Variants in BCAR3 observed in about 807,000 individuals in gnomAD.
The protein encoded by BCAR3 is BCAR3 adaptor protein, NSP family member, also known as breast cancer anti-estrogen resistance protein 3.
BCAR3 carries 37 observed loss-of-function variants against 80.1 expected under a neutral mutation model. That is an observed-to-expected ratio of 0.46 (90% CI 0.36 to 0.61). The LOEUF is 0.61. Ranked by LOEUF, BCAR3 falls within the 20% of genes least tolerant of loss-of-function variation. The pLI, the probability that BCAR3 is intolerant of heterozygous loss-of-function variation, is 0.00. For synonymous variants in BCAR3, 389 were observed against 418.9 expected (o/e 0.93, Z 0.87); for missense variants, 978 against 1,068.2 (o/e 0.92, Z 1.18).
chr1:93,810,192 C>CAAAAAAAAAAAAAAAAAA (rs111305058), intron 2 of BCAR3, among the ~76,000 whole-genome samples: 8 of 98,826 alleles, frequency 8.1e-5, no homozygotes, highest in African/African-American at 1.7e-4. Flanking sequence ...GACTCCATCT[C>CAAAAAAAAAAAAAAAAAA]AAAAAAAAAA....
chr1:93,765,944 C>T (rs1344086775), intron 2 of BCAR3, among the ~76,000 whole-genome samples: 1 of 152,162 alleles, frequency 6.6e-6, no homozygotes, highest in Non-Finnish European at 1.5e-5. Context: ...AGATTACAGG[C>T]ATAAGCCACC....
intron 2 of BCAR3, among the ~76,000 whole-genome samples, chr1:93,735,166 G>T (rs539784837): frequency 6.6e-6 from 1 of 152,334 alleles, no homozygotes; most frequent in African/African-American, 2.4e-5. Flanking sequence ...GGCCCTTTGG[G>T]TTTGGTGGAT....
At position 93,585,911 on chromosome 1, in the gene BCAR3, A is replaced by G. The variant is rs1472067696; in HGVS notation, c.930-1790T>C. Among the ~76,000 whole-genome samples, 4 of 152,110 alleles carry G rather than the reference A, an allele frequency of 2.6e-5. No individual in the cohort carries two copies. The East Asian group carries it at 5.8e-4, about 22-fold the overall frequency. On this transcript the variant is annotated intron_variant, in intron 5 of 11. Transcript: ENST00000260502. ...ACACCACCATGCCCAGCTAATTTTT[A>G]TATTTAAAAAATTTTGTGCATACAT...
At chr1:93,772,755 G>A (rs946574822) in intron 2 of BCAR3, among the ~76,000 whole-genome samples, 8 of 152,092 alleles carry the variant, frequency 5.3e-5, no homozygotes, top group African/African-American at 1.2e-4. Context: ...ACAGGAATGC[G>A]CCACCACGCC....
chr1:93,687,959 T>C (rs1170278590), intron 3 of BCAR3, among the ~76,000 whole-genome samples: 1 of 152,176 alleles, frequency 6.6e-6, no homozygotes, highest in Non-Finnish European at 1.5e-5. Flanking sequence ...GAAAGAAAGA[T>C]AGAGAATTCC....
At chr1:93,726,382 T>G (rs1001731382) in intron 2 of BCAR3, among the ~76,000 whole-genome samples, 1 of 152,234 alleles carries the variant, frequency 6.6e-6, no homozygotes, top group African/African-American at 2.4e-5. Flanking sequence ...CTATTAGCTA[T>G]TCTTAATACT....
chr1:93,721,542 TG>T, intron 2 of BCAR3, among the ~76,000 whole-genome samples: 1 of 152,330 alleles, frequency 6.6e-6, no homozygotes, highest in Middle Eastern at 3.4e-3. Context: ...CAGGCCCCAG[TG>T]GCCAGGAGAC....
chr1:93,706,907 G>A (rs1649844083), intron 2 of BCAR3, among the ~76,000 whole-genome samples: 1 of 152,164 alleles, frequency 6.6e-6, no homozygotes, highest in South Asian at 2.1e-4. Context: ...CCGGGCGCAG[G>A]GGCTTACGCC....
At chr1:93,613,810 G>C (rs1675024185) in intron 3 of BCAR3, 1 of 1,546,924 alleles carries the variant, frequency 6.5e-7, no homozygotes, top group African/African-American at 1.4e-5. Context: ...TCCCCCAAAA[G>C]ATTGACAGAT....
At chr1:93,805,696 C>T (rs1019646296) in intron 2 of BCAR3, among the ~76,000 whole-genome samples, 1 of 152,020 alleles carries the variant, frequency 6.6e-6, no homozygotes, top group Non-Finnish European at 1.5e-5. Context: ...CAGTCTTAAA[C>T]AGAAATGAAA....
intron 3 of BCAR3, among the ~76,000 whole-genome samples, chr1:93,639,138 T>A (rs1675897752): frequency 6.6e-6 from 1 of 152,148 alleles, no homozygotes; most frequent in Admixed American, 6.5e-5. Context: ...CATATTTTCC[T>A]CCATTCCACT....
At chr1:93,701,512 T>C (rs991555795) in intron 3 of BCAR3, among the ~76,000 whole-genome samples, 1 of 152,198 alleles carries the variant, frequency 6.6e-6, no homozygotes, top group African/African-American at 2.4e-5. Context: ...TGACATATTA[T>C]TATTTTGAAA....
chr1:93,648,152 G>C (rs985575573), intron 2 of BCAR3, among the ~76,000 whole-genome samples: 2 of 152,160 alleles, frequency 1.3e-5, no homozygotes, highest in Admixed American at 1.3e-4. Flanking sequence ...AGTAACATGG[G>C]TCAATCAAAC....
intron 2 of BCAR3, among the ~76,000 whole-genome samples, chr1:93,747,815 T>C (rs901061138): frequency 6.6e-6 from 1 of 151,742 alleles, no homozygotes; most frequent in African/African-American, 2.4e-5. Flanking sequence ...CCCAGTGTGC[T>C]ATGCTCCAGC....
intron 2 of BCAR3, among the ~76,000 whole-genome samples, chr1:93,799,670 T>C (rs1175424589): frequency 2.0e-5 from 3 of 152,208 alleles, no homozygotes; most frequent in Non-Finnish European, 2.9e-5. Flanking sequence ...TTTACAATCA[T>C]GAAGAATGGA....
intron 2 of BCAR3, among the ~76,000 whole-genome samples, chr1:93,808,507 A>G (rs1653728200): frequency 6.6e-6 from 1 of 152,214 alleles, no homozygotes; most frequent in South Asian, 2.1e-4. Context: ...CTCCAGCAAA[A>G]TCGATGTATA....
intron 2 of BCAR3, among the ~76,000 whole-genome samples, chr1:93,805,696 C>A (rs1019646296): frequency 2.0e-5 from 3 of 152,018 alleles, no homozygotes; most frequent in Admixed American, 2.0e-4. Context: ...CAGTCTTAAA[C>A]AGAAATGAAA....
chr1:93,608,850 C>A (rs1379837394), intron 3 of BCAR3, among the ~76,000 whole-genome samples: 1 of 152,210 alleles, frequency 6.6e-6, no homozygotes, highest in Non-Finnish European at 1.5e-5. Context: ...GCAGCTGCCA[C>A]GAGGAGGGGC....
intron 3 of BCAR3, among the ~76,000 whole-genome samples, chr1:93,689,613 G>A (rs1649100812): frequency 6.6e-6 from 1 of 152,002 alleles, no homozygotes; most frequent in Non-Finnish European, 1.5e-5. Context: ...GAGTTGTAGG[G>A]GGGCAGGGAG....
Sources: gnomAD v4.1 joint callset for allele counts (sites outside exome capture counted in the v4.1 genomes callset) on GRCh38, gnomAD v4.1.1 for gene constraint, MANE v1.5 for transcripts, NCBI Gene and HGNC (gene_info 2026-07-23, HGNC 2026-07-21) for gene names.